The following OR10K1 variants were observed in gnomAD, a reference collection of about 807,000 sequenced individuals.
OR10K1 encodes the protein olfactory receptor family 10 subfamily K member 1.
For synonymous variants in OR10K1, 186 were observed against 152.5 expected, an observed-to-expected ratio of 1.22 and a Z score of -1.62; for missense variants, 404 against 373.3, an observed-to-expected ratio of 1.08 and a Z score of -0.68.
In OR10K1 at chr1:158,466,509, T is replaced by G. The variant is rs4657080; in HGVS notation, c.*6T>G. On this transcript the variant is annotated 3_prime_UTR_variant, in exon 2 of 2. Coordinates refer to ENST00000641535, the MANE Select transcript of OR10K1 (RefSeq NM_001004473.2). Reference sequence around the variant, plus strand: ...CTTTCTATCCTCTTAGTTAAAGAGCTATTTTTTAAACTACTAATGCCTAGT... The same window carrying G: ...CTTTCTATCCTCTTAGTTAAAGAGCGATTTTTTAAACTACTAATGCCTAGT... 1 of 1,588,356 alleles carries G rather than the reference T, an allele frequency of 6.3e-7. No homozygotes were observed. Among genetic ancestry groups the G allele is most frequent in the Non-Finnish European group, 8.6e-7 (1 of 1,157,912 alleles).
rs1571287084 is a variant in OR10K1, at chr1:158,466,582, G to T, written c.*79G>T. 1 of 864,184 alleles carries T rather than the reference G, an allele frequency of 1.2e-6. No homozygotes were observed. The highest frequency in any genetic ancestry group is 2.5e-5 in the East Asian group (1 of 40,630). 53.5% of individuals were successfully genotyped at this position (864,184 alleles called of 1,614,324 possible). ...TTTATACATTTTTTTTCATTTAATT[G>T]TCCAGCTCCACTGTAACATAAGAAC... On this transcript the variant is annotated 3_prime_UTR_variant, in exon 2 of 2. Coordinates refer to ENST00000641535, the MANE Select transcript of OR10K1 (RefSeq NM_001004473.2).
Sources: allele counts gnomAD v4.1 joint callset, GRCh38; gene constraint gnomAD v4.1.1; transcripts MANE v1.5; gene names NCBI Gene and HGNC (gene_info 2026-07-23, HGNC 2026-07-21).